Variants in TMEM63C observed in about 807,000 individuals in gnomAD.
The protein encoded by TMEM63C is transmembrane protein 63C, also known as osmosensitive cation channel TMEM63C.
TMEM63C carries 32 observed loss-of-function variants against 99.2 expected under a neutral mutation model. That is an observed-to-expected ratio of 0.32 (90% confidence interval 0.24 to 0.43). TMEM63C has a LOEUF of 0.43. TMEM63C is among the 20% of genes least tolerant of loss of function. The probability of loss-of-function intolerance (pLI) is 1.00; values close to 1 mark genes in which losing one functional copy is unlikely to be tolerated. For missense variants in TMEM63C, 826 were observed against 1,053.0 expected (o/e 0.78, Z 2.98); for synonymous variants, 376 against 397.9 (o/e 0.94, Z 0.66).
intron 1 of TMEM63C, among the ~76,000 whole-genome samples, chr14:77,183,992 T>A (rs980571497): frequency 1.3e-5 from 2 of 152,270 alleles, no homozygotes; most frequent in Admixed American, 1.3e-4. Flanking sequence ...CTGGACCGAG[T>A]GCCTCTATCG....
rs770329107 is a variant in TMEM63C, at chr14:77,249,287, C to A, written c.1871-4C>A. 6.2e-7 allele frequency: 1 copy of A among 1,613,788 alleles called. No individual in the cohort carries two copies. The highest frequency in any genetic ancestry group is 1.1e-5 in the South Asian group (1 of 91,070). Reference sequence around the variant, plus strand: ...CTGAGTAAGTTTCCACCTTTGTCCCCCAGGGTTGCTCTACCTGTGCATGAA... The same window carrying A: ...CTGAGTAAGTTTCCACCTTTGTCCCACAGGGTTGCTCTACCTGTGCATGAA... On this transcript the variant is annotated splice_region_variant and splice_polypyrimidine_tract_variant and intron_variant, in intron 20 of 23. Coordinates refer to ENST00000298351, the MANE Select transcript of TMEM63C (RefSeq NM_020431.4).
Position 77,238,754 on chromosome 14 carries a change from A to G in TMEM63C, c.712A>G (p.Ile238Val). ...PKDIEDPELI[I>V]KHFHEAYPGS... The stretch of plus-strand genomic sequence containing the variant: ...GGACATTGAAGACCCAGAACTCATC[A>G]TTAAGCATTTTCAGTAAGTGGGTTG... Residue 238 changes from isoleucine to valine, a missense_variant, in exon 10 of 24, where the codon ATT becomes GTT. Physicochemically the swap from Ile to Val is conservative, Grantham distance 29. Transcript: ENST00000298351. The G allele has an allele frequency of 6.2e-7, 1 of 1,613,864 alleles. No homozygotes were observed. The highest frequency in any genetic ancestry group is 8.5e-7 in the Non-Finnish European group (1 of 1,179,766).
rs373802279 is a variant in TMEM63C, at chr14:77,249,381, T to C, written c.1961T>C (p.Met654Thr). The C allele has an allele frequency of 6.2e-6, 10 of 1,613,934 alleles. No homozygotes were observed. In the African/African-American group the frequency reaches 1.3e-4, roughly 22 times the overall value. ...ACCAAACTGAACGAGCAGATCCACA[T>C]GGCTGCCGTCTCCCAGGCCATCTTT... is the stretch of plus-strand genomic sequence containing the variant. The part of the protein sequence containing the change: ...APTKLNEQIH[M>T]AAVSQAIFAP... The change falls in exon 21 of 24, where the codon ATG (methionine) becomes ACG (threonine). Residue 654 changes from methionine to threonine, a missense_variant. Transcript: ENST00000298351.
intron 18 of TMEM63C, among the ~76,000 whole-genome samples, chr14:77,247,745 C>T (rs1889289629): frequency 6.6e-6 from 1 of 151,980 alleles, no homozygotes; most frequent in African/African-American, 2.4e-5. Flanking sequence ...CCATAACTTG[C>T]TCTATAAGGC....
intron 6 of TMEM63C, among the ~76,000 whole-genome samples, chr14:77,228,321 G>A (rs907902830): frequency 6.6e-5 from 10 of 152,104 alleles, no homozygotes; most frequent in Non-Finnish European, 1.3e-4. Context: ...CCTGATTGGA[G>A]GCTCCTGGAC....
At chr14:77,202,289 T>TACACACACACACAC (rs59017859) in intron 1 of TMEM63C, among the ~76,000 whole-genome samples, 13 of 149,760 alleles carry the variant, frequency 8.7e-5, no homozygotes, top group African/African-American at 2.2e-4. Context: ...CATACTCAGA[T>TACACACACACACAC]ACACACACAC....
intron 1 of TMEM63C, among the ~76,000 whole-genome samples, chr14:77,198,945 A>G (rs80089159): frequency 0.028 from 4,251 of 152,326 alleles, 170 homozygotes; most frequent in African/African-American, 0.097. Flanking sequence ...GAGATTCCAG[A>G]CACTGGACTA....
intron 1 of TMEM63C, among the ~76,000 whole-genome samples, chr14:77,200,348 C>A (rs895115141): frequency 2.0e-5 from 3 of 152,212 alleles, no homozygotes; most frequent in African/African-American, 7.2e-5. Flanking sequence ...GTGCCAGCCA[C>A]CACCCCTCAG....
chr14:77,226,437 T>C (rs1001128425), intron 6 of TMEM63C, among the ~76,000 whole-genome samples: 4 of 152,124 alleles, frequency 2.6e-5, no homozygotes, highest in Admixed American at 6.5e-5. Context: ...TGCGGTCTGG[T>C]TGGAGAAACA....
chr14:77,231,558 G>T lies in TMEM63C; in HGVS notation c.351-30G>T, dbSNP rs1459384579. Reference sequence around the variant, plus strand: ...AAGTGGTGGCCACGCTGGCTCCTGAGGCACGTCCTTGTCTGTGTGTCTCTT... The same window carrying T: ...AAGTGGTGGCCACGCTGGCTCCTGATGCACGTCCTTGTCTGTGTGTCTCTT... On this transcript the variant is annotated intron_variant, in intron 6 of 23. Transcript: ENST00000298351. The T allele has an allele frequency of 9.0e-6, 14 of 1,550,650 alleles. No individual in the cohort carries two copies. In the Admixed American group the frequency reaches 2.4e-4, roughly 26 times the overall value.
chr14:77,194,548 T>TCTTG (rs1888179716), intron 1 of TMEM63C, among the ~76,000 whole-genome samples: 1 of 17,164 alleles, frequency 5.8e-5, no homozygotes, highest in Non-Finnish European at 1.2e-4. Flanking sequence ...TTTCTTTCTT[T>TCTTG]CTTTCTCTTT....
At chr14:77,240,700 C>T in intron 13 of TMEM63C, 92 bp downstream of exon 13, 2 of 1,484,980 alleles carry the variant, frequency 1.3e-6, no homozygotes, top group South Asian at 2.6e-5. Flanking sequence ...CCCCTTCTGC[C>T]TCCCCTGGGC....
intron 2 of TMEM63C, among the ~76,000 whole-genome samples, chr14:77,216,593 C>T (rs759695197): frequency 2.6e-5 from 4 of 152,192 alleles, no homozygotes; most frequent in Non-Finnish European, 5.9e-5. Context: ...CCTGCACTTT[C>T]TGCCTCTCCC....
At chr14:77,201,420 G>A (rs562124703) in intron 1 of TMEM63C, among the ~76,000 whole-genome samples, 60 of 152,370 alleles carry the variant, frequency 3.9e-4, no homozygotes, top group African/African-American at 1.4e-3. Context: ...GCTTGAGGCT[G>A]CCTTTTCCAG....
At chr14:77,209,054 G>T (rs948935208) in intron 1 of TMEM63C, among the ~76,000 whole-genome samples, 2 of 152,160 alleles carry the variant, frequency 1.3e-5, no homozygotes, top group Non-Finnish European at 2.9e-5. Flanking sequence ...GGCTGGCTTC[G>T]ATCCTATGAA....
chr14:77,231,789 G>T (rs1888948159), intron 7 of TMEM63C, 59 bp downstream of exon 7: 1 of 1,540,170 alleles, frequency 6.5e-7, no homozygotes, highest in Non-Finnish European at 8.8e-7. Flanking sequence ...AGCCAGGCAA[G>T]CCAGTCAGGG....
chr14:77,251,505 T>C (rs1255141409), intron 21 of TMEM63C, among the ~76,000 whole-genome samples: 1 of 152,132 alleles, frequency 6.6e-6, no homozygotes, highest in Non-Finnish European at 1.5e-5. Flanking sequence ...GGGACGATGG[T>C]GTTGGAGGTG....
chr14:77,232,243 C>T (rs1247724291), intron 7 of TMEM63C, among the ~76,000 whole-genome samples: 1 of 152,138 alleles, frequency 6.6e-6, no homozygotes, highest in South Asian at 2.1e-4. Flanking sequence ...CCAGAAAATA[C>T]CTTTGCCTAG....
chr14:77,194,334 A>ATGTGTGTGTGTG (rs756163017), intron 1 of TMEM63C, among the ~76,000 whole-genome samples: 7 of 71,938 alleles, frequency 9.7e-5, no homozygotes, highest in South Asian at 8.7e-4. Flanking sequence ...AGATATATAT[A>ATGTGTGTGTGTG]TATGTGTGTG....
Sources: allele counts gnomAD v4.1 joint callset (sites outside exome capture counted in the v4.1 genomes callset), GRCh38; gene constraint gnomAD v4.1.1; transcripts MANE v1.5; gene names NCBI Gene and HGNC (gene_info 2026-07-23, HGNC 2026-07-21).